FANCA: variants seen among roughly 807,000 people sequenced by gnomAD.
The protein encoded by FANCA is Fanconi anemia group A protein.
FANCA carries 236 observed loss-of-function variants against 194.3 expected under a neutral mutation model. The ratio of observed to expected loss-of-function variants is 1.21; its 90% CI spans 1.09 to 1.35. FANCA has a LOEUF of 1.35. FANCA is among the 40% of genes most tolerant of loss of function. FANCA has a pLI of 0.00. For synonymous variants in FANCA, 1,014 were observed against 715.8 expected (o/e 1.42, Z -6.65); for missense variants, 2,628 against 1,813.9 (o/e 1.45, Z -8.15).
chr16:89,764,892 G>T lies in FANCA; in HGVS notation c.2776C>A (p.His926Asn). 1.2e-6 allele frequency: 2 copies of T among 1,613,856 alleles called. No homozygotes were observed. Among genetic ancestry groups the T allele is most frequent in the South Asian group, 1.1e-5 (1 of 90,980 alleles). ...FREVLKEEDV[H>N]LTYQDWLHLE... is the part of the protein sequence containing the mutation. ...CAGGAGAAGGAACGGTCACCTACGT[G>T]AACATCTTCCTCTTTCAACACCTCT... is the stretch of plus-strand genomic sequence containing the variant. Residue 926 changes from histidine (H) to asparagine (N), a missense_variant and splice_region_variant, in exon 28 of 43, where the codon CAC becomes AAC. Transcript: ENST00000389301.
chr16:89,790,986 C>A, intron 14 of FANCA: 1 of 260,312 alleles, frequency 3.8e-6, no homozygotes, highest in African/African-American at 2.3e-5. Context: ...TCTGCCACCA[C>A]ACCTGCGTAG....
At chr16:89,755,570 C>G (rs2038739824) in intron 30 of FANCA, among the ~76,000 whole-genome samples, 1 of 152,092 alleles carries the variant, frequency 6.6e-6, no homozygotes. Flanking sequence ...AATAAATGAT[C>G]TGGACTTTAT....
chr16:89,794,155 T>C (rs1313078103), intron 11 of FANCA, among the ~76,000 whole-genome samples: 1 of 152,252 alleles, frequency 6.6e-6, no homozygotes, highest in Non-Finnish European at 1.5e-5. Context: ...TGCTATATCA[T>C]CAATTCTGTT....
intron 28 of FANCA, 93 bp from the exon 29 acceptor site, chr16:89,762,115 G>A (rs559356905): frequency 1.4e-4 from 136 of 948,336 alleles, no homozygotes; most frequent in Middle Eastern, 2.2e-4. Context: ...CATCTCATAC[G>A]CAGTCCTCCA....
intron 14 of FANCA, among the ~76,000 whole-genome samples, chr16:89,786,431 C>A (rs1358359234): frequency 6.6e-6 from 1 of 152,160 alleles, no homozygotes; most frequent in Non-Finnish European, 1.5e-5. Flanking sequence ...GATACCTTGG[C>A]CTCCCAAAGT....
In FANCA at chr16:89,792,078, A is replaced by T. The variant is rs369884743; in HGVS notation, c.1084-10T>A. ...TCAGCATCACAAAGAGCTGAAATAA[A>T]AGCATCCGCTCCCTTCAATATCCAA... On this transcript the variant is annotated splice_polypyrimidine_tract_variant and intron_variant, in intron 12 of 42. Coordinates refer to ENST00000389301, the MANE Select transcript of FANCA (RefSeq NM_000135.4). 6 of 1,614,036 alleles carry T rather than the reference A, an allele frequency of 3.7e-6. No individual in the cohort carries two copies. In the South Asian group the frequency reaches 6.6e-5, roughly 18 times the overall value.
intron 20 of FANCA, among the ~76,000 whole-genome samples, chr16:89,776,114 C>T (rs2039492497): frequency 6.8e-6 from 1 of 146,722 alleles, no homozygotes; most frequent in Non-Finnish European, 1.5e-5. Context: ...TTCTCTCATA[C>T]AATTTTTGGT....
Position 89,769,978 on chromosome 16 carries a change from G to A in FANCA, c.2363C>T (p.Ala788Val), listed in dbSNP as rs746098172. The change falls in exon 26 of 43, where the codon GCC becomes GTC. Residue 788 changes from alanine (A) to valine (V), a missense_variant. Transcript: ENST00000389301. ...APHVLGLAAL[A>V]VHLGESRSAL... The stretch of plus-strand genomic sequence containing the variant: ...AGACCTGGACTCACCCAGGTGCACG[G>A]CCAGGGCAGCCAACCCCAGCACATG... The A allele has an allele frequency of 1.9e-6, 3 of 1,613,796 alleles. No individual in the cohort carries two copies. Among genetic ancestry groups the A allele is most frequent in the South Asian group, 2.2e-5 (2 of 91,082 alleles).
intron 33 of FANCA, 118 bp downstream of exon 33, chr16:89,748,535 ATTTGAC>A: frequency 1.2e-6 from 1 of 807,470 alleles, no homozygotes; most frequent in Non-Finnish European, 2.1e-6. Context: ...ACTGTTCCCT[ATTTGAC>A]TTTGAACCCT....
intron 14 of FANCA, chr16:89,791,184 G>T (rs72807598): frequency 3.2e-6 from 2 of 617,056 alleles, no homozygotes; most frequent in Non-Finnish European, 5.7e-6. Flanking sequence ...GAGAACCCAG[G>T]CTCCTCGGAA....
In FANCA at chr16:89,810,719, T is replaced by C; in HGVS notation, c.510A>G (p.Leu170=). 6.2e-7 allele frequency: 1 copy of C among 1,608,022 alleles called. No homozygotes were observed. Among genetic ancestry groups the C allele is most frequent in the Non-Finnish European group, 8.5e-7 (1 of 1,174,436 alleles). Residue 170 remains leucine (L), a synonymous_variant, in exon 5 of 43, where the codon TTA becomes TTG. Transcript: ENST00000389301. ...ATCTCAAATTTACCTGTATTTTCCA[T>C]AATTCTTGACAGAAGGAAAGACGGG... ...MFSRLSFCQE[L]WKIQSSLLLE...
In FANCA at chr16:89,779,083, A is replaced by G. The variant is rs1726168202; in HGVS notation, c.1716-80T>C. On this transcript the variant is annotated intron_variant, in intron 18 of 42. Transcript: ENST00000389301. Reference sequence around the variant, plus strand: ...CCACAGACGGTGACCGGTGTTTCAGAGAGTGGACTGCGAGGGCTCACTCCA... The same window carrying G: ...CCACAGACGGTGACCGGTGTTTCAGGGAGTGGACTGCGAGGGCTCACTCCA... The G allele has an allele frequency of 5.8e-6, 8 of 1,370,052 alleles. No individual in the cohort carries two copies. In the South Asian group the frequency reaches 9.5e-5, roughly 16 times the overall value. The allele number at this position is 1,370,052 out of a possible 1,614,324, so 84.9% of individuals were successfully genotyped here.
At chr16:89,757,461 C>T (rs1222870221) in intron 30 of FANCA, among the ~76,000 whole-genome samples, 1 of 152,190 alleles carries the variant, frequency 6.6e-6, no homozygotes, top group African/African-American at 2.4e-5. Context: ...GCCTCAGAAA[C>T]ATTCTGCTCA....
intron 22 of FANCA, among the ~76,000 whole-genome samples, chr16:89,772,983 G>T (rs1343193961): frequency 6.6e-6 from 1 of 152,120 alleles, no homozygotes; most frequent in South Asian, 2.1e-4. Context: ...CGGGAAAACA[G>T]GCATCCTAGT....
intron 8 of FANCA, among the ~76,000 whole-genome samples, chr16:89,799,863 G>A (rs1411873392): frequency 6.6e-6 from 1 of 152,200 alleles, no homozygotes; most frequent in African/African-American, 2.4e-5. Flanking sequence ...CGCAGTGGCG[G>A]ACGCCCTGTA....
intron 11 of FANCA, among the ~76,000 whole-genome samples, chr16:89,795,286 A>G (rs1331563262): frequency 2.2e-5 from 3 of 135,320 alleles, no homozygotes; most frequent in Admixed American, 7.1e-5. Flanking sequence ...TCCATCTCCA[A>G]TAAATAAATA....
At chr16:89,746,710 G>C (rs758879250) in intron 34 of FANCA, 22 bp from the exon 35 acceptor site, 1 of 1,611,816 alleles carries the variant, frequency 6.2e-7, no homozygotes, top group South Asian at 1.1e-5. Flanking sequence ...AACGCAGCAG[G>C]AGGTCAGCGG....
At chr16:89,773,048 AT>A (rs1036740122) in intron 22 of FANCA, among the ~76,000 whole-genome samples, 2 of 152,140 alleles carry the variant, frequency 1.3e-5, no homozygotes, top group African/African-American at 4.8e-5. Flanking sequence ...CTAGCCGAAT[AT>A]TCACCTTCTG....
rs17226260 is a variant in FANCA at position 89,784,479 on chromosome 16, C to T, written c.1470+375G>A. Reference sequence around the variant, plus strand: ...CTAAAACCCTCACTGCAGTACAACTCGCTCTTCCTGCGTAACTGGGTGCTG... The same window carrying T: ...CTAAAACCCTCACTGCAGTACAACTTGCTCTTCCTGCGTAACTGGGTGCTG... On this transcript the variant is annotated intron_variant, in intron 15 of 42. Coordinates refer to ENST00000389301, the MANE Select transcript of FANCA (RefSeq NM_000135.4). Among the ~76,000 whole-genome samples the T allele has an allele frequency of 1.6e-3, 239 of 151,602 alleles. 2 individuals carry two copies. The highest frequency in any genetic ancestry group is 0.013 in the Admixed American group (195 of 15,244).
Sources: allele counts gnomAD v4.1 joint callset (sites outside exome capture counted in the v4.1 genomes callset), GRCh38; gene constraint gnomAD v4.1.1; transcripts MANE v1.5; gene names NCBI Gene and HGNC (gene_info 2026-07-23, HGNC 2026-07-21).